The following POFUT3 variants were observed in gnomAD, a reference collection of about 807,000 sequenced individuals.
POFUT3 encodes the protein GDP-fucose protein O-fucosyltransferase 3.
the POFUT3 span, among the ~76,000 whole-genome samples, chr8:33,363,950 T>C: frequency 2.0e-5 from 3 of 152,264 alleles, no homozygotes; most frequent in African/African-American, 7.2e-5. Flanking sequence ...TACCAAAGCC[T>C]GGCAGAGACA....
chr8:33,429,337 C>CA, the POFUT3 span, among the ~76,000 whole-genome samples: 1 of 151,748 alleles, frequency 6.6e-6, no homozygotes, highest in Non-Finnish European at 1.5e-5. Flanking sequence ...CTCTCCCTGC[C>CA]AAAAAAAGTC....
At chr8:33,325,055 C>CT in the POFUT3 span, among the ~76,000 whole-genome samples, 1 of 152,088 alleles carries the variant, frequency 6.6e-6, no homozygotes, top group African/African-American at 2.4e-5. Context: ...ACTTTAATGG[C>CT]TTTTTTATTG....
chr8:33,372,764 A>G, the POFUT3 span: 5 of 1,614,050 alleles, frequency 3.1e-6, no homozygotes, highest in Non-Finnish European at 3.4e-6. Context: ...TGGGCAACTC[A>G]GGTGGGTATC....
chr8:33,364,818 G>T, the POFUT3 span, among the ~76,000 whole-genome samples: 1 of 152,052 alleles, frequency 6.6e-6, no homozygotes, highest in Non-Finnish European at 1.5e-5. Flanking sequence ...AGAATCAATA[G>T]CGTGAAAATG....
the POFUT3 span, among the ~76,000 whole-genome samples, chr8:33,465,974 T>C: frequency 6.6e-6 from 1 of 152,172 alleles, no homozygotes; most frequent in South Asian, 2.1e-4. Context: ...ATAGCTCAGG[T>C]CTATCATAGG....
At chr8:33,328,171 T>C in the POFUT3 span, among the ~76,000 whole-genome samples, 4 of 152,150 alleles carry the variant, frequency 2.6e-5, no homozygotes, top group Non-Finnish European at 4.4e-5. Flanking sequence ...TGAAACATAA[T>C]TTCCAGGACA....
At chr8:33,455,603 C>T in the POFUT3 span, among the ~76,000 whole-genome samples, 1 of 152,170 alleles carries the variant, frequency 6.6e-6, no homozygotes, top group African/African-American at 2.4e-5. Flanking sequence ...GGTTGATCTG[C>T]TCCATATGTA....
chr8:33,437,258 AC>A, the POFUT3 span, among the ~76,000 whole-genome samples: 1 of 151,950 alleles, frequency 6.6e-6, no homozygotes, highest in African/African-American at 2.4e-5. Flanking sequence ...TTCCTTTCCA[AC>A]ATCACTTCCC....
chr8:33,326,315 G>C, the POFUT3 span, among the ~76,000 whole-genome samples: 1 of 152,022 alleles, frequency 6.6e-6, no homozygotes, highest in Non-Finnish European at 1.5e-5. Context: ...TGGCCCTCCA[G>C]TACCCTTAAG....
the POFUT3 span, among the ~76,000 whole-genome samples, chr8:33,317,771 G>A: frequency 2.0e-5 from 3 of 152,016 alleles, no homozygotes; most frequent in Non-Finnish European, 4.4e-5. Flanking sequence ...ACCCCAGTTT[G>A]GGTCTGTAAC....
chr8:33,346,450 C>T, the POFUT3 span, among the ~76,000 whole-genome samples: 19 of 152,348 alleles, frequency 1.2e-4, no homozygotes, highest in African/African-American at 4.3e-4. Flanking sequence ...CTAACCACTG[C>T]TGCCTCTCCA....
chr8:33,467,272 CAAAAAAAA>C, the POFUT3 span, among the ~76,000 whole-genome samples: 3 of 73,452 alleles, frequency 4.1e-5, no homozygotes, highest in African/African-American at 1.7e-4. Context: ...GACTCTGTCT[CAAAAAAAA>C]AAAAAAAAAA....
chr8:33,420,989 T>C, the POFUT3 span, among the ~76,000 whole-genome samples: 1 of 151,724 alleles, frequency 6.6e-6, no homozygotes, highest in East Asian at 1.9e-4. Flanking sequence ...TAAATAGAAA[T>C]ACAAATGTAA....
At chr8:33,372,219 G>C in the POFUT3 span, 15 of 1,014,936 alleles carry the variant, frequency 1.5e-5, no homozygotes, top group Non-Finnish European at 1.6e-5. Flanking sequence ...AAGCTGTTGA[G>C]AGTGAGGTGA....
the POFUT3 span, among the ~76,000 whole-genome samples, chr8:33,330,063 T>G: frequency 6.6e-6 from 1 of 152,132 alleles, no homozygotes; most frequent in Non-Finnish European, 1.5e-5. Context: ...TAAGGCAAGT[T>G]GGAAAAGGGG....
the POFUT3 span, among the ~76,000 whole-genome samples, chr8:33,325,488 C>T: frequency 2.6e-5 from 4 of 152,066 alleles, no homozygotes; most frequent in Non-Finnish European, 4.4e-5. Flanking sequence ...CACCATGATA[C>T]GTTAATTTAT....
chr8:33,389,209 A>T, the POFUT3 span: 1 of 1,614,034 alleles, frequency 6.2e-7, no homozygotes, highest in African/African-American at 1.3e-5. Context: ...CTGATACAAG[A>T]ATAGCACTTT....
At chr8:33,318,813 T>TTA in the POFUT3 span, among the ~76,000 whole-genome samples, 94 of 48,940 alleles carry the variant, frequency 1.9e-3, 22 homozygotes, top group South Asian at 4.5e-3. Flanking sequence ...TTTATATATA[T>TTA]TATATATATA....
the POFUT3 span, among the ~76,000 whole-genome samples, chr8:33,403,367 G>A: frequency 7.2e-5 from 11 of 152,048 alleles, no homozygotes; most frequent in Non-Finnish European, 1.5e-4. Flanking sequence ...CTGATGAGTA[G>A]TGAAGTCTCT....
Sources: allele counts gnomAD v4.1 joint callset (sites outside exome capture counted in the v4.1 genomes callset), GRCh38; gene constraint gnomAD v4.1.1; transcripts MANE v1.5; gene names NCBI Gene and HGNC (gene_info 2026-07-23, HGNC 2026-07-21).